CHCHD3: variants seen among roughly 807,000 people sequenced by gnomAD.
The protein encoded by CHCHD3 is MICOS complex subunit MIC19.
In CHCHD3, 20 loss-of-function variants were observed where a neutral mutation model predicts 38.2. The observed-to-expected ratio is 0.52, with a 90% CI of 0.37 to 0.76. The LOEUF (loss-of-function observed/expected upper bound fraction) is 0.76. Among genes scored for constraint, CHCHD3 ranks in the 30% least tolerant of loss-of-function variants. The pLI is 0.00. For missense variants in CHCHD3, 245 were observed against 279.2 expected (o/e 0.88, Z 0.87); for synonymous variants, 82 against 100.0 (o/e 0.82, Z 1.07).
chr7:133,035,101 G>T lies in CHCHD3; in HGVS notation c.170-10474C>A. On this transcript the variant is annotated intron_variant, in intron 2 of 7. Transcript: ENST00000262570. The surrounding 1 kb of genome is among the most constrained non-coding windows in gnomAD (Gnocchi z 4.7). ...TGAGCGAAGGGGTCCTTGGCCTTGG[G>T]CTCAGCAGCCAGCGCCTGCTCACAT... The T allele has an allele frequency of 6.2e-7, 1 of 1,613,686 alleles. No individual in the cohort carries two copies. The highest frequency in any genetic ancestry group is 1.3e-5 in the African/African-American group (1 of 75,016).
intron 3 of CHCHD3, among the ~76,000 whole-genome samples, chr7:133,015,348 T>TTAAACAAA (rs1554401137): frequency 1.4e-5 from 2 of 143,894 alleles, no homozygotes; most frequent in Non-Finnish European, 3.0e-5. Flanking sequence ...GTCTCAAAAA[T>TTAAACAAA]TAAATAAATA....
rs571867068 is a variant in CHCHD3, at chr7:133,035,749, C to T, written c.170-11122G>A. The T allele has an allele frequency of 1.5e-4, 235 of 1,613,224 alleles. No homozygotes were observed. The highest frequency in any genetic ancestry group is 1.9e-4 in the Non-Finnish European group (229 of 1,179,402). On this transcript the variant is annotated intron_variant, in intron 2 of 7. Transcript: ENST00000262570. This position sits in a 1 kb window ranked among gnomAD's most constrained non-coding sequence, Gnocchi z 4.7. ...CCATCATCACCCTCAAATGCTGGGACCTTGCCGGCAGGAAATTTGCGAAGA... is the reference window on the plus strand; with the variant it reads ...CCATCATCACCCTCAAATGCTGGGATCTTGCCGGCAGGAAATTTGCGAAGA...
chr7:132,965,287 G>A (rs910163724), intron 4 of CHCHD3, among the ~76,000 whole-genome samples: 16 of 151,864 alleles, frequency 1.1e-4, no homozygotes, highest in African/African-American at 3.1e-4. Context: ...AGATCACCTC[G>A]GCACAGAAGA....
intron 5 of CHCHD3, among the ~76,000 whole-genome samples, chr7:132,859,375 A>G (rs1306728355): frequency 6.6e-6 from 1 of 152,224 alleles, no homozygotes; most frequent in Non-Finnish European, 1.5e-5. Flanking sequence ...TTAAATCTGT[A>G]TATTACAAAC....
At chr7:133,051,013 C>A (rs1814147861) in intron 2 of CHCHD3, among the ~76,000 whole-genome samples, 1 of 152,052 alleles carries the variant, frequency 6.6e-6, no homozygotes, top group Admixed American at 6.6e-5. Context: ...AAGACTCCAT[C>A]TCAAAAAATA....
intron 4 of CHCHD3, among the ~76,000 whole-genome samples, chr7:132,954,040 G>A (rs1183773935): frequency 6.6e-6 from 1 of 152,170 alleles, no homozygotes; most frequent in Non-Finnish European, 1.5e-5. Flanking sequence ...TTATGCTATG[G>A]GATGAAATGA....
At chr7:132,848,941 C>T (rs1808146769) in intron 5 of CHCHD3, among the ~76,000 whole-genome samples, 1 of 152,142 alleles carries the variant, frequency 6.6e-6, no homozygotes, top group South Asian at 2.1e-4. Flanking sequence ...AAAATCAAAG[C>T]TAATTTAAAT....
chr7:132,934,940 T>A (rs1194593847), intron 4 of CHCHD3, among the ~76,000 whole-genome samples: 1 of 152,216 alleles, frequency 6.6e-6, no homozygotes, highest in East Asian at 1.9e-4. Flanking sequence ...AGAAATAATA[T>A]TTTTGTACTT....
intron 4 of CHCHD3, among the ~76,000 whole-genome samples, chr7:132,951,598 T>C (rs1228968382): frequency 1.3e-5 from 2 of 152,214 alleles, no homozygotes; most frequent in South Asian, 2.1e-4. Flanking sequence ...CCATCTAGGT[T>C]TGTGTAAGTA....
rs908866102 is a variant in CHCHD3, at chr7:132,824,342, G to A, written c.524+14057C>T. Among the ~76,000 whole-genome samples, 10 of 51,684 alleles carry A rather than the reference G, an allele frequency of 1.9e-4. No homozygotes were observed. The East Asian group carries it at 2.2e-3, about 12-fold the overall frequency. 33.9% of individuals were successfully genotyped at this position (51,684 alleles called of 152,430 possible). A position where few individuals can be genotyped will look rare whatever the true frequency, so the allele number is the denominator to read the frequency against. Reference sequence around the variant, plus strand: ...TTTTTTTTTTTTTTTTTTTTGAGACGGAGTCTCGCTCTGTCGCTCAGGCTG... The same window carrying A: ...TTTTTTTTTTTTTTTTTTTTGAGACAGAGTCTCGCTCTGTCGCTCAGGCTG... On this transcript the variant is annotated intron_variant, in intron 6 of 7. Transcript: ENST00000262570.
chr7:132,984,885 TC>T (rs1481793426), intron 3 of CHCHD3, among the ~76,000 whole-genome samples: 1 of 97,088 alleles, frequency 1.0e-5, no homozygotes, highest in East Asian at 3.6e-4. Context: ...AGCCGCCCCA[TC>T]CGGGAGGGAG....
At chr7:132,913,417 G>A (rs1365899962) in intron 4 of CHCHD3, among the ~76,000 whole-genome samples, 1 of 152,130 alleles carries the variant, frequency 6.6e-6, no homozygotes, top group Non-Finnish European at 1.5e-5. Context: ...TAAATTTAGA[G>A]ATGAATCCAA....
chr7:133,000,093 T>C (rs1812525549), intron 3 of CHCHD3, among the ~76,000 whole-genome samples: 1 of 152,148 alleles, frequency 6.6e-6, no homozygotes, highest in Non-Finnish European at 1.5e-5. Flanking sequence ...GAAACAAAAC[T>C]GCTTAAAAAT....
At chr7:132,963,212 C>T (rs1369965963) in intron 4 of CHCHD3, among the ~76,000 whole-genome samples, 1 of 148,772 alleles carries the variant, frequency 6.7e-6, no homozygotes, top group Non-Finnish European at 1.5e-5. Context: ...GTGGTAAATG[C>T]CTAAAAACAG....
chr7:133,002,373 G>A (rs1812597319), intron 3 of CHCHD3, among the ~76,000 whole-genome samples: 1 of 152,102 alleles, frequency 6.6e-6, no homozygotes, highest in African/African-American at 2.4e-5. Flanking sequence ...AGATTACTAA[G>A]AGACAAAGCT....
At chr7:132,812,676 G>A (rs1253109812) in intron 6 of CHCHD3, among the ~76,000 whole-genome samples, 1 of 152,018 alleles carries the variant, frequency 6.6e-6, no homozygotes. Context: ...CAACCAGAGT[G>A]CCCCTTTTAA....
chr7:132,847,000 C>A (rs1808090541), intron 5 of CHCHD3, among the ~76,000 whole-genome samples: 1 of 152,114 alleles, frequency 6.6e-6, no homozygotes, highest in African/African-American at 2.4e-5. Context: ...ATGGGAAACT[C>A]AGGGCTGATA....
At chr7:133,010,999 A>C (rs1812854871) in intron 3 of CHCHD3, among the ~76,000 whole-genome samples, 1 of 152,208 alleles carries the variant, frequency 6.6e-6, no homozygotes, top group Non-Finnish European at 1.5e-5. Flanking sequence ...ATTTTAGACA[A>C]AATGACCAGG....
At chr7:132,786,899 G>T (rs576180306) in intron 7 of CHCHD3, among the ~76,000 whole-genome samples, 2 of 152,022 alleles carry the variant, frequency 1.3e-5, no homozygotes, top group African/African-American at 4.8e-5. Context: ...TTTTCCTTCC[G>T]TTTCCCAGTT....
Sources: gnomAD v4.1 joint callset for allele counts (sites outside exome capture counted in the v4.1 genomes callset) on GRCh38, gnomAD v4.1.1 for gene constraint, Gnocchi (gnomAD v3.1) non-coding constraint, MANE v1.5 for transcripts, NCBI Gene and HGNC (gene_info 2026-07-23, HGNC 2026-07-21) for gene names.